Variants in POLR3A observed in about 807,000 individuals in gnomAD.
POLR3A encodes the protein RNA polymerase III subunit A.
Under a neutral mutation model 152.8 loss-of-function variants are expected in POLR3A, and 112 were observed. The ratio of observed to expected loss-of-function variants is 0.73; its 90% CI spans 0.63 to 0.86. POLR3A has a LOEUF of 0.86. Among genes scored for constraint, POLR3A ranks in the 40% least tolerant of loss-of-function variants. The pLI is 0.00. For missense variants in POLR3A, 1,385 were observed against 1,743.1 expected (o/e 0.79, Z 3.66); for synonymous variants, 615 against 652.1 (o/e 0.94, Z 0.87).
chr10:77,983,082 C>T (rs1300255662), intron 26 of POLR3A, among the ~76,000 whole-genome samples: 1 of 152,190 alleles, frequency 6.6e-6, no homozygotes, highest in Non-Finnish European at 1.5e-5. Context: ...CATGGCAACA[C>T]ACGCAGCCTC....
intron 1 of POLR3A, among the ~76,000 whole-genome samples, chr10:78,028,975 C>T (rs963735544): frequency 6.6e-6 from 1 of 152,180 alleles, no homozygotes; most frequent in African/African-American, 2.4e-5. Flanking sequence ...GCCTCCGTGT[C>T]AGACGCTCTG....
chr10:78,011,575 G>A (rs1014475597), intron 11 of POLR3A, among the ~76,000 whole-genome samples: 1 of 152,146 alleles, frequency 6.6e-6, no homozygotes, highest in African/African-American at 2.4e-5. Context: ...ACCAGAGTGG[G>A]AGACAGCTAT....
intron 27 of POLR3A, among the ~76,000 whole-genome samples, 167 bp from the exon 28 acceptor site, chr10:77,982,485 A>C (rs916404705): frequency 6.6e-6 from 1 of 152,186 alleles, no homozygotes; most frequent in Non-Finnish European, 1.5e-5. Context: ...TCATCCTAAC[A>C]TCAGTTTTTT....
intron 28 of POLR3A, 32 bp downstream of exon 28, chr10:77,982,122 A>G: frequency 6.2e-7 from 1 of 1,605,788 alleles, no homozygotes; most frequent in Non-Finnish European, 8.5e-7. Context: ...AGACAGCCTA[A>G]CCCTAAGGCG....
At chr10:77,983,255 G>A (rs912464724) in intron 26 of POLR3A, among the ~76,000 whole-genome samples, 2 of 152,198 alleles carry the variant, frequency 1.3e-5, no homozygotes, top group African/African-American at 2.4e-5. Context: ...GCAAGAGACA[G>A]GCTAGAGAAA....
At position 78,019,247 on chromosome 10, in the gene POLR3A, T is replaced by G. The variant is rs376585106; in HGVS notation, c.1204A>C (p.Asn402His). The change falls in exon 9 of 31, where the codon AAT becomes CAT. Residue 402 changes from asparagine to histidine, a missense_variant. By Grantham distance (68) the Asn-to-His change is moderately conservative. Transcript: ENST00000372371. ...TTTTGAACCAGTTTCCTCAAGAAAT[T>G]GATGTTTGCTTTGTTTACCTGCAGT... ...FPEKVNKANI[N>H]FLRKLVQNGP... 1 of 1,613,694 alleles carries G rather than the reference T, an allele frequency of 6.2e-7. No homozygotes were observed. Among genetic ancestry groups the G allele is most frequent in the Non-Finnish European group, 8.5e-7 (1 of 1,179,820 alleles).
chr10:77,998,029 C>T (rs1393178358), intron 19 of POLR3A, among the ~76,000 whole-genome samples: 1 of 152,026 alleles, frequency 6.6e-6, no homozygotes, highest in Non-Finnish European at 1.5e-5. Context: ...CTTTGACAAA[C>T]CTGAGAAAAA....
At chr10:78,017,077 A>G (rs531160209) in intron 10 of POLR3A, among the ~76,000 whole-genome samples, 9 of 152,072 alleles carry the variant, frequency 5.9e-5, no homozygotes, top group Non-Finnish European at 1.3e-4. Context: ...AGGAAGCTTG[A>G]AATTAAAAAG....
chr10:78,025,788 A>G, intron 2 of POLR3A, 29 bp from the exon 3 acceptor site: 3 of 1,610,654 alleles, frequency 1.9e-6, no homozygotes, highest in Non-Finnish European at 2.5e-6. Context: ...CCAATGATCA[A>G]CACAGACTGC....
At chr10:77,988,161 G>A (rs1000185114) in intron 21 of POLR3A, among the ~76,000 whole-genome samples, 2 of 152,194 alleles carry the variant, frequency 1.3e-5, no homozygotes, top group African/African-American at 4.8e-5. Context: ...CTGAGAAAGT[G>A]CAGAGGCCCA....
chr10:77,975,897 T>A lies in POLR3A; in HGVS notation c.*1581A>T, dbSNP rs574787592. On this transcript the variant is annotated 3_prime_UTR_variant, in exon 31 of 31. Transcript: ENST00000372371. ...ATGAGAACTGGTGATCTCGGTGGGG[T>A]CTCAAGTAGAAGCCCTGAATTAGTG... is the stretch of plus-strand genomic sequence containing the variant. 6.8e-6 allele frequency: 1 copy of A among 147,362 alleles called. No individual in the cohort carries two copies. Among genetic ancestry groups the A allele is most frequent in the Non-Finnish European group, 1.5e-5 (1 of 66,252 alleles). The allele number at this position is 147,362 out of a possible 1,614,324, so 9.1% of individuals were successfully genotyped here.
chr10:78,023,907 G>A (rs556952878), intron 5 of POLR3A, among the ~76,000 whole-genome samples: 1 of 152,272 alleles, frequency 6.6e-6, no homozygotes, highest in African/African-American at 2.4e-5. Context: ...GAAGGCTGAG[G>A]TGAGAGGATC....
intron 19 of POLR3A, among the ~76,000 whole-genome samples, chr10:77,998,902 A>T (rs1481838322): frequency 1.3e-5 from 2 of 152,254 alleles, no homozygotes; most frequent in African/African-American, 2.4e-5. Flanking sequence ...GAACCAACCT[A>T]AGTGTCCAAC....
intron 9 of POLR3A, among the ~76,000 whole-genome samples, chr10:78,018,170 CAAAAAA>C: frequency 1.4e-5 from 1 of 69,536 alleles, no homozygotes. Context: ...ACTGAGACAT[CAAAAAA>C]AAAAAAAAAA....
chr10:78,029,350 T>G lies in POLR3A; in HGVS notation c.44+14A>C, dbSNP rs760957432. The G allele has an allele frequency of 6.2e-6, 10 of 1,613,946 alleles. No individual in the cohort carries two copies. The East Asian group carries it at 6.7e-5, about 11-fold the overall frequency. On this transcript the variant is annotated intron_variant, in intron 1 of 30. Transcript: ENST00000372371. ...CTATTTCTCAGCCCTTTGGCCACTCTTACTCCGTCTTACATTTTCTTGGCC... is the reference window on the plus strand; with the variant it reads ...CTATTTCTCAGCCCTTTGGCCACTCGTACTCCGTCTTACATTTTCTTGGCC...
rs1040091342 is a variant in POLR3A, at chr10:78,005,031, T to G, written c.2075-143A>C. The G allele has an allele frequency of 1.5e-5, 11 of 716,370 alleles. No individual in the cohort carries two copies. In the Admixed American group the frequency reaches 2.1e-4, roughly 13 times the overall value. 44.4% of individuals were successfully genotyped at this position (716,370 alleles called of 1,614,324 possible). A position where few individuals can be genotyped will look rare whatever the true frequency, so the allele number is the denominator to read the frequency against. On this transcript the variant is annotated intron_variant, in intron 15 of 30. Transcript: ENST00000372371. Reference sequence around the variant, plus strand: ...TTAAAGTATAAAAAAGTGTATATCTTCACAGAATTCATCACAATTCAATTA... The same window carrying G: ...TTAAAGTATAAAAAAGTGTATATCTGCACAGAATTCATCACAATTCAATTA...
At chr10:78,013,167 C>T in intron 11 of POLR3A, 2 of 237,570 alleles carry the variant, frequency 8.4e-6, no homozygotes, top group Non-Finnish European at 8.3e-6. Flanking sequence ...ATGTATAATA[C>T]TGCATCCTCT....
intron 14 of POLR3A, among the ~76,000 whole-genome samples, chr10:78,008,367 A>T (rs7090567): frequency 0.032 from 4,871 of 152,366 alleles, 290 homozygotes; most frequent in African/African-American, 0.11. Context: ...TTTGAAGATC[A>T]GAGAGCATAT....
chr10:78,020,772 A>T (rs1048378733), intron 8 of POLR3A, among the ~76,000 whole-genome samples: 2 of 152,174 alleles, frequency 1.3e-5, no homozygotes, highest in Admixed American at 1.3e-4. Flanking sequence ...TGGGCGACAG[A>T]GCGAGACTCC....
Sources: gnomAD v4.1 joint callset for allele counts (sites outside exome capture counted in the v4.1 genomes callset) on GRCh38, gnomAD v4.1.1 for gene constraint, MANE v1.5 for transcripts, NCBI Gene and HGNC (gene_info 2026-07-23, HGNC 2026-07-21) for gene names.